The following METTL24 variants were observed in gnomAD, a reference collection of about 807,000 sequenced individuals.
METTL24 encodes the protein probable methyltransferase-like protein 24.
METTL24 carries 29 observed loss-of-function variants against 32.7 expected under a neutral mutation model. The observed-to-expected ratio is 0.89, with a 90% CI of 0.66 to 1.21. The LOEUF is 1.21. METTL24 is among the 50% of genes most tolerant of loss of function. The probability of loss-of-function intolerance (pLI) is 0.00; values close to 1 mark genes in which losing one functional copy is unlikely to be tolerated. For missense variants in METTL24, 439 were observed against 468.1 expected, an observed-to-expected ratio of 0.94 and a Z score of 0.57; for synonymous variants, 163 against 179.5, an observed-to-expected ratio of 0.91 and a Z score of 0.73.
intron 4 of METTL24, among the ~76,000 whole-genome samples, chr6:110,253,027 G>A (rs183374517): frequency 6.6e-6 from 1 of 152,194 alleles, no homozygotes; most frequent in African/African-American, 2.4e-5. Context: ...GACTAACACA[G>A]TCTGGTAGAA....
chr6:110,261,817 C>A (rs899237134), intron 4 of METTL24, among the ~76,000 whole-genome samples: 2 of 152,188 alleles, frequency 1.3e-5, no homozygotes, highest in African/African-American at 4.8e-5. Flanking sequence ...GAAACTCACT[C>A]AAAACCGCTC....
At chr6:110,328,360 T>A (rs1772052085) in intron 1 of METTL24, among the ~76,000 whole-genome samples, 1 of 152,226 alleles carries the variant, frequency 6.6e-6, no homozygotes, top group African/African-American at 2.4e-5. Flanking sequence ...AATGTTTTCA[T>A]TACTAGAGAA....
intron 3 of METTL24, among the ~76,000 whole-genome samples, chr6:110,308,208 T>A (rs545303997): frequency 6.6e-6 from 1 of 152,312 alleles, no homozygotes; most frequent in Non-Finnish European, 1.5e-5. Flanking sequence ...GGGGTGCCCT[T>A]TCCCAAATTG....
chr6:110,313,134 A>G (rs939202560), intron 3 of METTL24, among the ~76,000 whole-genome samples: 4 of 152,230 alleles, frequency 2.6e-5, no homozygotes, highest in African/African-American at 9.6e-5. Context: ...CCTCCCTCAG[A>G]GGGAATAAGT....
chr6:110,270,358 G>A (rs1337804415), intron 4 of METTL24, among the ~76,000 whole-genome samples: 1 of 151,936 alleles, frequency 6.6e-6, no homozygotes, highest in Non-Finnish European at 1.5e-5. Flanking sequence ...GGAGCTGGTT[G>A]TGGGGGGAGG....
At chr6:110,253,019 C>T (rs1383168744) in intron 4 of METTL24, among the ~76,000 whole-genome samples, 3 of 152,204 alleles carry the variant, frequency 2.0e-5, no homozygotes, top group Non-Finnish European at 4.4e-5. Context: ...GACTGATTGA[C>T]TAACACAGTC....
At chr6:110,328,637 T>C (rs1436102186) in intron 1 of METTL24, among the ~76,000 whole-genome samples, 2 of 152,178 alleles carry the variant, frequency 1.3e-5, no homozygotes, top group East Asian at 1.9e-4. Flanking sequence ...TCTCAAGCCA[T>C]GAAGCTGAAT....
At chr6:110,277,243 T>C (rs1771063548) in intron 4 of METTL24, among the ~76,000 whole-genome samples, 1 of 152,188 alleles carries the variant, frequency 6.6e-6, no homozygotes, top group Admixed American at 6.5e-5. Flanking sequence ...AATTTGATCT[T>C]ATTTCCAGGG....
chr6:110,309,162 T>C (rs1771674602), intron 3 of METTL24, among the ~76,000 whole-genome samples: 1 of 152,152 alleles, frequency 6.6e-6, no homozygotes, highest in Non-Finnish European at 1.5e-5. Context: ...TAAAATGAAC[T>C]CAGAGCAAAG....
chr6:110,331,673 A>AG (rs1772112611), intron 1 of METTL24, among the ~76,000 whole-genome samples: 1 of 146,032 alleles, frequency 6.8e-6, no homozygotes, highest in Admixed American at 6.8e-5. Flanking sequence ...AAAAAAAAAA[A>AG]AAAAAAAGGA....
chr6:110,322,684 C>G, intron 2 of METTL24, 90 bp downstream of exon 2: 2 of 1,040,302 alleles, frequency 1.9e-6, no homozygotes, highest in Admixed American at 2.0e-5. Flanking sequence ...CATCAGGAGT[C>G]GCTGAGAACC....
intron 2 of METTL24, among the ~76,000 whole-genome samples, chr6:110,318,601 G>A (rs1284727565): frequency 4.1e-5 from 6 of 145,950 alleles, no homozygotes; most frequent in East Asian, 2.0e-4. Context: ...GCAGTGAGCC[G>A]AGATTGCGCC....
At chr6:110,331,366 A>C (rs1399133150) in intron 1 of METTL24, among the ~76,000 whole-genome samples, 2 of 152,134 alleles carry the variant, frequency 1.3e-5, no homozygotes, top group African/African-American at 4.8e-5. Context: ...AAAAAATTAA[A>C]GAAATAATGA....
intron 2 of METTL24, among the ~76,000 whole-genome samples, chr6:110,318,531 G>A (rs564339048): frequency 6.6e-6 from 1 of 151,786 alleles, no homozygotes; most frequent in East Asian, 1.9e-4. Context: ...GCATGTGCCT[G>A]TAATCCCAGC....
intron 4 of METTL24, among the ~76,000 whole-genome samples, chr6:110,296,765 G>A (rs1486098758): frequency 6.6e-6 from 1 of 152,180 alleles, no homozygotes; most frequent in Non-Finnish European, 1.5e-5. Context: ...ATGAGTGAAG[G>A]TGTGAAGGCA....
At chr6:110,330,378 G>T (rs2114761090) in intron 1 of METTL24, among the ~76,000 whole-genome samples, 1 of 152,332 alleles carries the variant, frequency 6.6e-6, no homozygotes, top group East Asian at 1.9e-4. Context: ...CACAGGAAGT[G>T]TGAAGCAGAG....
At chr6:110,339,406 G>GA (rs1772307134) in intron 1 of METTL24, among the ~76,000 whole-genome samples, 1 of 152,126 alleles carries the variant, frequency 6.6e-6, no homozygotes, top group African/African-American at 2.4e-5. Flanking sequence ...TCTTTCCTAA[G>GA]AAAAAACAAG....
intron 4 of METTL24, among the ~76,000 whole-genome samples, chr6:110,255,308 T>A (rs1443080996): frequency 6.6e-6 from 1 of 152,038 alleles, no homozygotes; most frequent in African/African-American, 2.4e-5. Context: ...CTTGATGAAA[T>A]AATCCAACCT....
At position 110,244,582 on chromosome 6, in the gene METTL24, G is replaced by A. The variant is rs537785925; in HGVS notation, c.*1364C>T. 9.9e-5 allele frequency among the ~76,000 whole-genome samples: 15 copies of A among 152,276 alleles called. No homozygotes were observed. Among genetic ancestry groups the A allele is most frequent in the South Asian group, 6.2e-4 (3 of 4,814 alleles). On this transcript the variant is annotated 3_prime_UTR_variant, in exon 5 of 5. Transcript: ENST00000338882. ...GCGAGGCCTCAGGAAACTTACAGTC[G>A]TGGTGGAAGGGGAAGCAAACACATC...
Sources: allele counts gnomAD v4.1 joint callset (sites outside exome capture counted in the v4.1 genomes callset), GRCh38; gene constraint gnomAD v4.1.1; transcripts MANE v1.5; gene names NCBI Gene and HGNC (gene_info 2026-07-23, HGNC 2026-07-21).